ZNF599: variants seen among roughly 807,000 people sequenced by gnomAD.
ZNF599 encodes zinc finger protein 599.
ZNF599 carries 10 observed loss-of-function variants against 11.7 expected under a neutral mutation model. The ratio of observed to expected loss-of-function variants is 0.86; its 90% CI spans 0.53 to 1.45. The LOEUF (loss-of-function observed/expected upper bound fraction) is 1.45. Ranked by LOEUF, ZNF599 falls within the 40% of genes most tolerant of loss-of-function variation. The pLI is 0.00. For missense variants in ZNF599, 688 were observed against 713.6 expected (o/e 0.96, Z 0.41); for synonymous variants, 232 against 253.2 (o/e 0.92, Z 0.79).
At chr19:34,782,420 G>T in the ZNF599 span, among the ~76,000 whole-genome samples, 4 of 152,370 alleles carry the variant, frequency 2.6e-5, no homozygotes, top group Admixed American at 2.0e-4. Context: ...GGAAATGCCA[G>T]CCAAAAAAGG....
the ZNF599 span, among the ~76,000 whole-genome samples, chr19:34,798,171 T>A: frequency 6.6e-6 from 1 of 152,246 alleles, no homozygotes; most frequent in Admixed American, 6.5e-5. Flanking sequence ...GTATTTACAA[T>A]AATCAGGAGC....
chr19:34,779,027 G>T, the ZNF599 span, among the ~76,000 whole-genome samples: 1 of 152,136 alleles, frequency 6.6e-6, no homozygotes, highest in Non-Finnish European at 1.5e-5. Flanking sequence ...AACACCAATT[G>T]TTGGTGAGGA....
the ZNF599 span, among the ~76,000 whole-genome samples, chr19:34,806,987 C>T: frequency 1.3e-5 from 2 of 152,228 alleles, no homozygotes; most frequent in Admixed American, 1.3e-4. Context: ...GCAAATGGGC[C>T]CAGTTTGGTT....
intron 3 of ZNF599, chr19:34,765,281 AT>A: frequency 2.8e-6 from 1 of 357,620 alleles, no homozygotes. Flanking sequence ...AGTATAGAAT[AT>A]GGCAAAGATG....
upstream of ZNF599, among the ~76,000 whole-genome samples, chr19:34,776,115 C>T (rs542374777): frequency 4.8e-4 from 73 of 152,098 alleles, no homozygotes; most frequent in Non-Finnish European, 8.8e-4. Flanking sequence ...TTCTTTGTTG[C>T]ATTTACTTTC....
At chr19:34,770,781 G>T (rs1296112401) in intron 1 of ZNF599, among the ~76,000 whole-genome samples, 4 of 152,196 alleles carry the variant, frequency 2.6e-5, no homozygotes, top group African/African-American at 9.7e-5. Flanking sequence ...CACGTCAGCA[G>T]GTGACAAGCC....
chr19:34,775,334 C>A (rs1446440236), upstream of ZNF599, among the ~76,000 whole-genome samples: 1 of 152,166 alleles, frequency 6.6e-6, no homozygotes, highest in Non-Finnish European at 1.5e-5. Flanking sequence ...GACTGCAGTG[C>A]TGATATACAA....
In ZNF599 at chr19:34,759,977, C is replaced by T. The variant is rs147932714; in HGVS notation, c.824G>A (p.Arg275His). The T allele has an allele frequency of 4.3e-5, 70 of 1,614,118 alleles. No individual in the cohort carries two copies. The highest frequency in any genetic ancestry group is 6.7e-5 in the Admixed American group (4 of 60,016). ...KRRFHLTEHQRIHTGDKPYEC... is the reference protein window; with the variant it reads ...KRRFHLTEHQHIHTGDKPYEC... Reference sequence around the variant, plus strand: ...ATAGGGCTTATCTCCGGTGTGAATACGCTGGTGCTCCGTGAGGTGAAACCT... The same window carrying T: ...ATAGGGCTTATCTCCGGTGTGAATATGCTGGTGCTCCGTGAGGTGAAACCT... The change falls in exon 4 of 4, where the codon CGT (arginine) becomes CAT (histidine). Residue 275 changes from arginine (R) to histidine (H), a missense_variant. Coordinates refer to ENST00000329285, the MANE Select transcript of ZNF599 (RefSeq NM_001007248.3).
the ZNF599 span, among the ~76,000 whole-genome samples, chr19:34,784,609 C>T: frequency 2.6e-5 from 4 of 152,226 alleles, no homozygotes; most frequent in Middle Eastern, 3.4e-3. Flanking sequence ...TCTTTCTCTT[C>T]TGTGTTGTGC....
rs2069149761 is a variant in ZNF599 at position 34,767,203 on chromosome 19, C to CTCCA, written c.241+109_241+112dup. 2.0e-5 allele frequency: 15 copies of CTCCA among 740,074 alleles called. No homozygotes were observed. The East Asian group carries it at 2.7e-4, about 13-fold the overall frequency. 45.8% of individuals were successfully genotyped at this position (740,074 alleles called of 1,614,324 possible). On this transcript the variant is annotated intron_variant, in intron 3 of 3. Transcript: ENST00000329285. The stretch of plus-strand genomic sequence containing the variant: ...AGACGGGGGACCATGGGGTCAAGGG[C>CTCCA]TCCATGACTGCTCAAGACCACAAAA...
chr19:34,787,721 G>C, the ZNF599 span, among the ~76,000 whole-genome samples: 3 of 152,190 alleles, frequency 2.0e-5, no homozygotes, highest in Non-Finnish European at 2.9e-5. Flanking sequence ...AGAATTATCA[G>C]GTACTGCTCT....
At chr19:34,776,943 T>A (rs2069218574), upstream of ZNF599, among the ~76,000 whole-genome samples, 1 of 151,818 alleles carries the variant, frequency 6.6e-6, no homozygotes, top group South Asian at 2.1e-4. Flanking sequence ...TGGAAAGGGG[T>A]AGTAACAGCC....
the ZNF599 span, among the ~76,000 whole-genome samples, chr19:34,788,293 C>T: frequency 6.6e-6 from 1 of 152,156 alleles, no homozygotes; most frequent in Non-Finnish European, 1.5e-5. Flanking sequence ...GTGACAATCC[C>T]ATCCAGTCAC....
At chr19:34,770,654 G>C (rs2069177512) in intron 1 of ZNF599, among the ~76,000 whole-genome samples, 2 of 152,312 alleles carry the variant, frequency 1.3e-5, no homozygotes, top group South Asian at 4.1e-4. Flanking sequence ...GGTAACACAA[G>C]TGGCCAAGGG....
At position 34,758,984 on chromosome 19, in the gene ZNF599, T is replaced by C. The variant is rs1056871077; in HGVS notation, c.*50A>G. On this transcript the variant is annotated 3_prime_UTR_variant, in exon 4 of 4. Transcript: ENST00000329285. The stretch of plus-strand genomic sequence containing the variant: ...CTCAAAAGGAAAGGTATGTCACCAC[T>C]ATGAGTTCACTAAAGACAAACACAC... 6.5e-7 allele frequency: 1 copy of C among 1,533,080 alleles called. No individual in the cohort carries two copies. The highest frequency in any genetic ancestry group is 8.8e-7 in the Non-Finnish European group (1 of 1,135,906). The allele number at this position is 1,533,080 out of a possible 1,614,324, so 95.0% of individuals were successfully genotyped here.
At chr19:34,768,615 C>T (rs758361475) in intron 2 of ZNF599, among the ~76,000 whole-genome samples, 1 of 152,182 alleles carries the variant, frequency 6.6e-6, no homozygotes, top group Non-Finnish European at 1.5e-5. Flanking sequence ...CTATTCTAAG[C>T]ACTTTACACA....
the ZNF599 span, among the ~76,000 whole-genome samples, chr19:34,794,322 A>G: frequency 6.6e-6 from 1 of 152,236 alleles, no homozygotes; most frequent in East Asian, 1.9e-4. Flanking sequence ...GTTGCATGGC[A>G]TTTGTAAACT....
chr19:34,760,723 G>A (rs2069107683), intron 3 of ZNF599, among the ~76,000 whole-genome samples, 164 bp from the exon 4 acceptor site: 1 of 152,164 alleles, frequency 6.6e-6, no homozygotes, highest in African/African-American at 2.4e-5. Flanking sequence ...CTAATGCTTG[G>A]ACTCTTGAGA....
chr19:34,785,581 ATAT>A, the ZNF599 span, among the ~76,000 whole-genome samples: 2 of 152,180 alleles, frequency 1.3e-5, no homozygotes, highest in Non-Finnish European at 2.9e-5. Flanking sequence ...TCTCAGGGAA[ATAT>A]TATCCTTTGT....
Sources: allele counts gnomAD v4.1 joint callset (sites outside exome capture counted in the v4.1 genomes callset), GRCh38; gene constraint gnomAD v4.1.1; transcripts MANE v1.5; gene names NCBI Gene and HGNC (gene_info 2026-07-23, HGNC 2026-07-21).